The following NUMBL variants were observed in gnomAD, a reference collection of about 807,000 sequenced individuals.
The protein encoded by NUMBL is NUMB like endocytic adaptor protein.
A neutral mutation model predicts 48.9 loss-of-function variants in NUMBL; 20 were observed. The observed-to-expected ratio is 0.41, with a 90% CI of 0.29 to 0.59. The LOEUF is 0.59. NUMBL is among the 20% of genes least tolerant of loss of function. The pLI is 0.31. For missense variants in NUMBL, 660 were observed against 846.2 expected (o/e 0.78, Z 2.73); for synonymous variants, 340 against 348.7 (o/e 0.98, Z 0.28).
intron 2 of NUMBL, 122 bp from the exon 3 acceptor site, chr19:40,684,678 A>G (rs1235150867): frequency 7.4e-7 from 1 of 1,358,218 alleles, no homozygotes; most frequent in African/African-American, 1.5e-5. Context: ...AAGCGGGGTT[A>G]CAGGGTCAGT....
At chr19:40,677,091 G>A in intron 7 of NUMBL, 141 bp downstream of exon 7, 1 of 891,626 alleles carries the variant, frequency 1.1e-6, no homozygotes. Context: ...TGGGATTACA[G>A]GTGTGAACCA....
chr19:40,683,494 C>T (rs192889863), intron 3 of NUMBL, among the ~76,000 whole-genome samples: 2 of 152,304 alleles, frequency 1.3e-5, no homozygotes, highest in African/African-American at 4.8e-5. Flanking sequence ...ACTCCCAACA[C>T]CATTTCCTGC....
intron 8 of NUMBL, among the ~76,000 whole-genome samples, chr19:40,672,261 C>CT (rs770528552): frequency 3.5e-4 from 54 of 152,160 alleles, no homozygotes; most frequent in Non-Finnish European, 2.1e-4. Context: ...AAACACAATG[C>CT]TTTTTTCCCC....
rs1390091440 is a variant in NUMBL at position 40,667,525 on chromosome 19, C to T, written c.1773G>A (p.Glu591=). The change falls in exon 10 of 10, where the codon GAG becomes GAA. Residue 591 remains glutamate (E), a synonymous_variant. Transcript: ENST00000252891. This position sits in a 1 kb window ranked among gnomAD's most constrained non-coding sequence, Gnocchi z 6.1. ...WAALEGKATV[E]KPSNPFSGDL... ...CGCCAGAAAAGGGGTTGGAGGGTTTCTCTACAGTGGCTTTGCCTTCTAATG... is the reference window on the plus strand; with the variant it reads ...CGCCAGAAAAGGGGTTGGAGGGTTTTTCTACAGTGGCTTTGCCTTCTAATG... 2 of 1,584,192 alleles carry T rather than the reference C, an allele frequency of 1.3e-6. No homozygotes were observed. The highest frequency in any genetic ancestry group is 2.7e-5 in the African/African-American group (2 of 74,526).
Position 40,667,172 on chromosome 19 carries a change from C to A in NUMBL, c.*296G>T. The A allele has an allele frequency of 2.4e-6, 1 of 410,138 alleles. No homozygotes were observed. The allele number at this position is 410,138 out of a possible 1,614,324, so 25.4% of individuals were successfully genotyped here. A position where few individuals can be genotyped will look rare whatever the true frequency, so the allele number is the denominator to read the frequency against. ...AAATGGAGTGTGAACCAAGGGCATT[C>A]AGTGGGATTGTGGCCAACCCCTGTG... On this transcript the variant is annotated 3_prime_UTR_variant, in exon 10 of 10. Transcript: ENST00000252891. The surrounding 1 kb of genome is among the most constrained non-coding windows in gnomAD (Gnocchi z 6.1).
intron 2 of NUMBL, chr19:40,685,572 AGT>A (rs1048660726): frequency 2.0e-5 from 3 of 153,576 alleles, no homozygotes; most frequent in South Asian, 2.1e-4. Context: ...AGTGGTTGTG[AGT>A]GTGTGTCTGC....
intron 6 of NUMBL, among the ~76,000 whole-genome samples, chr19:40,678,478 A>T (rs938183011): frequency 6.7e-6 from 1 of 149,386 alleles, no homozygotes. Context: ...TAATGCCCTT[A>T]AAAAGGAAAA....
intron 8 of NUMBL, among the ~76,000 whole-genome samples, chr19:40,671,151 A>C (rs567490978): frequency 6.6e-6 from 1 of 151,802 alleles, no homozygotes. Flanking sequence ...TAATTTTTAA[A>C]ATTTTTTTGT....
Position 40,682,452 on chromosome 19 carries a change from A to G in NUMBL, c.399+276T>C, listed in dbSNP as rs2081909709. ...TAATCTGCATTTTTCAGATGACACA[A>G]CTGAGACTCAGAGAGGTTAAATCTC... is the stretch of plus-strand genomic sequence containing the variant. On this transcript the variant is annotated intron_variant, in intron 5 of 9. Transcript: ENST00000252891. This position sits in a 1 kb window ranked among gnomAD's most constrained non-coding sequence, Gnocchi z 4.0. Among the ~76,000 whole-genome samples, 2 of 152,138 alleles carry G rather than the reference A, an allele frequency of 1.3e-5. No individual in the cohort carries two copies. The highest frequency in any genetic ancestry group is 2.1e-4 in the South Asian group (1 of 4,824).
chr19:40,676,605 T>C (rs1050113695), intron 7 of NUMBL, among the ~76,000 whole-genome samples: 2 of 151,066 alleles, frequency 1.3e-5, no homozygotes, highest in African/African-American at 4.9e-5. Context: ...TGAGGCAGAA[T>C]TGCTTGAACC....
At chr19:40,680,377 T>C (rs1599909624) in intron 6 of NUMBL, among the ~76,000 whole-genome samples, 1 of 152,176 alleles carries the variant, frequency 6.6e-6, no homozygotes, top group South Asian at 2.1e-4. Flanking sequence ...CTCAAATTCC[T>C]GACCTCAGGT....
rs1009283095 is a variant in NUMBL, at chr19:40,684,633, T to TC, written c.110-78dup. ...GAGCTCAACGGGGAGGGACCAGTGC[T>TC]CAGGGAGCATGGGGTCAGATAACAA... On this transcript the variant is annotated intron_variant, in intron 2 of 9. Coordinates refer to ENST00000252891, the MANE Select transcript of NUMBL (RefSeq NM_004756.5). The TC allele has an allele frequency of 4.9e-5, 73 of 1,503,232 alleles. 1 individual carries two copies. The African/African-American group carries it at 9.3e-4, about 19-fold the overall frequency. The allele number at this position is 1,503,232 out of a possible 1,614,324, so 93.1% of individuals were successfully genotyped here.
chr19:40,688,127 G>C lies in NUMBL; in HGVS notation c.25-1132C>G, dbSNP rs1330176755. ...AGACACAGCCATGGTGGTCCTATAG[G>C]CATGGCCACAGCATCAATGTCCATG... On this transcript the variant is annotated intron_variant, in intron 1 of 9. Coordinates refer to ENST00000252891, the MANE Select transcript of NUMBL (RefSeq NM_004756.5). This position sits in a 1 kb window ranked among gnomAD's most constrained non-coding sequence, Gnocchi z 4.6. Among the ~76,000 whole-genome samples the C allele has an allele frequency of 6.6e-6, 1 of 152,098 alleles. No individual in the cohort carries two copies. The highest frequency in any genetic ancestry group is 1.5e-5 in the Non-Finnish European group (1 of 68,026).
chr19:40,680,569 C>T (rs2081899775), intron 6 of NUMBL, among the ~76,000 whole-genome samples: 1 of 152,156 alleles, frequency 6.6e-6, no homozygotes, highest in Non-Finnish European at 1.5e-5. Context: ...CTGCCTCAGC[C>T]TCCCAAGTAG....
chr19:40,670,069 C>T (rs369613674), intron 8 of NUMBL, 49 bp from the exon 9 acceptor site: 29 of 1,591,712 alleles, frequency 1.8e-5, no homozygotes, highest in East Asian at 6.8e-5. Context: ...CAGACCCTGC[C>T]GCAGCCCCGC....
chr19:40,690,330 C>A, intron 1 of NUMBL, 130 bp downstream of exon 1: 1 of 494,508 alleles, frequency 2.0e-6, no homozygotes, highest in Non-Finnish European at 3.2e-6. Flanking sequence ...TTCCTGGACC[C>A]CCACCCGGGA....
intron 5 of NUMBL, 96 bp from the exon 6 acceptor site, chr19:40,681,153 C>G: frequency 7.2e-7 from 1 of 1,382,702 alleles, no homozygotes; most frequent in Non-Finnish European, 1.0e-6. Flanking sequence ...CAGTCCTGAA[C>G]AGGGTGGGGA....
chr19:40,679,359 A>G (rs1293996301), intron 6 of NUMBL, among the ~76,000 whole-genome samples: 2 of 152,060 alleles, frequency 1.3e-5, no homozygotes, highest in Admixed American at 1.3e-4. Flanking sequence ...GATGACAGAG[A>G]GAGACGCTGT....
chr19:40,682,640 G>C lies in NUMBL; in HGVS notation c.399+88C>G. 8.2e-7 allele frequency: 1 copy of C among 1,225,988 alleles called. No individual in the cohort carries two copies. The highest frequency in any genetic ancestry group is 1.3e-5 in the South Asian group (1 of 75,054). The allele number at this position is 1,225,988 out of a possible 1,614,324, so 75.9% of individuals were successfully genotyped here. ...TAGAAGGTCCCTGAGGGAGGGATGTGCAGAGGAGGCGGGAAGGTGTCCTCC... is the reference window on the plus strand; with the variant it reads ...TAGAAGGTCCCTGAGGGAGGGATGTCCAGAGGAGGCGGGAAGGTGTCCTCC... On this transcript the variant is annotated intron_variant, in intron 5 of 9. Transcript: ENST00000252891. The surrounding 1 kb of genome is among the most constrained non-coding windows in gnomAD (Gnocchi z 4.0).
Sources: gnomAD v4.1 joint callset for allele counts (sites outside exome capture counted in the v4.1 genomes callset) on GRCh38, gnomAD v4.1.1 for gene constraint, Gnocchi (gnomAD v3.1) non-coding constraint, MANE v1.5 for transcripts, NCBI Gene and HGNC (gene_info 2026-07-23, HGNC 2026-07-21) for gene names.